Variants in KCNMB2 observed in about 807,000 individuals in gnomAD.
The protein encoded by KCNMB2 is calcium-activated potassium channel subunit beta-2.
In KCNMB2, 9 loss-of-function variants were observed where a neutral mutation model predicts 24.5. The ratio of observed to expected loss-of-function variants is 0.37; its 90% CI spans 0.22 to 0.64. The LOEUF (loss-of-function observed/expected upper bound fraction) is 0.64. Among genes scored for constraint, KCNMB2 ranks in the 30% least tolerant of loss-of-function variants. The probability of loss-of-function intolerance (pLI) is 0.63; values close to 1 mark genes in which losing one functional copy is unlikely to be tolerated. For synonymous variants in KCNMB2, 109 were observed against 104.4 expected (o/e 1.04, Z -0.27); for missense variants, 226 against 284.3 (o/e 0.79, Z 1.47).
intron 1 of KCNMB2, among the ~76,000 whole-genome samples, chr3:178,546,850 A>G (rs2108450770): frequency 6.6e-6 from 1 of 152,340 alleles, no homozygotes; most frequent in Non-Finnish European, 1.5e-5. Flanking sequence ...GGAGAAGAAC[A>G]AGAGTGGATG....
intron 1 of KCNMB2, among the ~76,000 whole-genome samples, chr3:178,779,616 T>A (rs1712739696): frequency 6.6e-6 from 1 of 152,236 alleles, no homozygotes; most frequent in African/African-American, 2.4e-5. Context: ...AGTTTCTCAG[T>A]ATCAATTTTG....
intron 1 of KCNMB2, among the ~76,000 whole-genome samples, chr3:178,545,973 G>T (rs1354725614): frequency 6.6e-6 from 1 of 152,120 alleles, no homozygotes; most frequent in African/African-American, 2.4e-5. Flanking sequence ...TGGTGCTTGG[G>T]AACAGCCATG....
intron 1 of KCNMB2, among the ~76,000 whole-genome samples, chr3:178,647,397 A>G (rs1719957176): frequency 6.6e-6 from 1 of 152,216 alleles, no homozygotes; most frequent in South Asian, 2.1e-4. Flanking sequence ...AAAAGAGTTT[A>G]GTTGCTTTCT....
chr3:178,738,799 C>G (rs60506621), intron 1 of KCNMB2, among the ~76,000 whole-genome samples: 1 of 152,202 alleles, frequency 6.6e-6, no homozygotes, highest in South Asian at 2.1e-4. Flanking sequence ...CCCCTGAGGG[C>G]GGAAACTTTG....
At position 178,813,980 on chromosome 3, in the gene KCNMB2, TTGTTGC is replaced by T. The variant is rs1396225380; in HGVS notation, c.56+6518_56+6523del. On this transcript the variant is annotated intron_variant, in intron 2 of 4. Coordinates refer to ENST00000452583, the MANE Select transcript of KCNMB2 (RefSeq NM_181361.3). ...GTTGTTGTTGTTGTTGTTGTTGTTG[TTGTTGC>T]TGCTGCTGCTGTTGTTTTTCTAATC... Among the ~76,000 whole-genome samples the T allele has an allele frequency of 9.5e-3, 1,213 of 127,912 alleles. 16 individuals carry two copies. The highest frequency in any genetic ancestry group is 0.016 in the Middle Eastern group (4 of 254). The allele number at this position is 127,912 out of a possible 152,430, so 83.9% of individuals were successfully genotyped here. A position where few individuals can be genotyped will look rare whatever the true frequency, so the allele number is the denominator to read the frequency against.
At chr3:178,588,988 G>A (rs1453495358) in intron 1 of KCNMB2, among the ~76,000 whole-genome samples, 1 of 152,234 alleles carries the variant, frequency 6.6e-6, no homozygotes, top group Non-Finnish European at 1.5e-5. Context: ...CAGAGCCTAT[G>A]TGAATGAACT....
chr3:178,651,140 G>A (rs1159154811), intron 1 of KCNMB2, among the ~76,000 whole-genome samples: 3 of 152,178 alleles, frequency 2.0e-5, no homozygotes, highest in African/African-American at 4.8e-5. Flanking sequence ...AAGATGACAT[G>A]ATTGTATATT....
At chr3:178,617,726 A>G (rs1718760152) in intron 1 of KCNMB2, among the ~76,000 whole-genome samples, 1 of 151,392 alleles carries the variant, frequency 6.6e-6, no homozygotes, top group Non-Finnish European at 1.5e-5. Context: ...CGTCTCTACT[A>G]AAAACACAAA....
chr3:178,647,861 C>T (rs1224856192), intron 1 of KCNMB2, among the ~76,000 whole-genome samples: 1 of 152,030 alleles, frequency 6.6e-6, no homozygotes, highest in African/African-American at 2.4e-5. Flanking sequence ...GCTAACAATT[C>T]ATGAAAAATA....
At chr3:178,781,986 T>C (rs1418218932) in intron 1 of KCNMB2, among the ~76,000 whole-genome samples, 1 of 120,670 alleles carries the variant, frequency 8.3e-6, no homozygotes, top group Admixed American at 9.0e-5. Flanking sequence ...TTCCCCTTCC[T>C]GTGTCCATGT....
chr3:178,595,934 A>C (rs1004083206), intron 1 of KCNMB2, among the ~76,000 whole-genome samples: 1 of 151,962 alleles, frequency 6.6e-6, no homozygotes, highest in African/African-American at 2.4e-5. Flanking sequence ...CTGTGTGTGG[A>C]TCTGGGTTTA....
At chr3:178,709,361 C>T (rs1035362349) in intron 1 of KCNMB2, among the ~76,000 whole-genome samples, 2 of 152,198 alleles carry the variant, frequency 1.3e-5, no homozygotes, top group Non-Finnish European at 2.9e-5. Flanking sequence ...ACCTGGGCTT[C>T]AGCTCTAGGG....
chr3:178,627,807 T>C (rs1029328761), intron 1 of KCNMB2, among the ~76,000 whole-genome samples: 1 of 152,196 alleles, frequency 6.6e-6, no homozygotes, highest in Non-Finnish European at 1.5e-5. Context: ...AATTGTATTA[T>C]GGGGACAGCA....
At chr3:178,684,336 TG>T (rs1721381763) in intron 1 of KCNMB2, among the ~76,000 whole-genome samples, 1 of 89,330 alleles carries the variant, frequency 1.1e-5, no homozygotes, top group Non-Finnish European at 2.0e-5. Flanking sequence ...GTTGCCAGGG[TG>T]GGGGGTGGGA....
chr3:178,591,668 A>C (rs1388508872), intron 1 of KCNMB2, among the ~76,000 whole-genome samples: 3 of 152,146 alleles, frequency 2.0e-5, no homozygotes, highest in Non-Finnish European at 4.4e-5. Context: ...TGTATCAAGG[A>C]GTGAGAGGCA....
chr3:178,830,787 T>C (rs1715024379), intron 4 of KCNMB2, among the ~76,000 whole-genome samples: 1 of 152,162 alleles, frequency 6.6e-6, no homozygotes. Context: ...GAATTGTTTC[T>C]TCTTTACATT....
intron 1 of KCNMB2, among the ~76,000 whole-genome samples, chr3:178,631,282 G>A (rs1383091865): frequency 1.3e-5 from 2 of 152,092 alleles, no homozygotes; most frequent in Non-Finnish European, 2.9e-5. Flanking sequence ...TGAAATTCCT[G>A]GTAAAGATGG....
chr3:178,701,070 T>C (rs1722074506), intron 1 of KCNMB2, among the ~76,000 whole-genome samples: 1 of 152,244 alleles, frequency 6.6e-6, no homozygotes, highest in Non-Finnish European at 1.5e-5. Context: ...GGTTTTCTTC[T>C]AAGGTTTTTA....
chr3:178,732,386 T>C (rs1723181088), intron 1 of KCNMB2, among the ~76,000 whole-genome samples: 1 of 152,194 alleles, frequency 6.6e-6, no homozygotes, highest in Admixed American at 6.5e-5. Flanking sequence ...GACATACATG[T>C]GCAGAGAGGC....
Sources: allele counts gnomAD v4.1 joint callset (sites outside exome capture counted in the v4.1 genomes callset), GRCh38; gene constraint gnomAD v4.1.1; transcripts MANE v1.5; gene names NCBI Gene and HGNC (gene_info 2026-07-23, HGNC 2026-07-21).